DIP2B: variants seen among roughly 807,000 people sequenced by gnomAD.
DIP2B encodes the protein disco-interacting protein 2 homolog B.
A neutral mutation model predicts 198.0 loss-of-function variants in DIP2B; 76 were observed. The observed-to-expected ratio is 0.38, with a 90% CI of 0.32 to 0.46. DIP2B has a LOEUF of 0.46. Among genes scored for constraint, DIP2B ranks in the 20% least tolerant of loss-of-function variants. The pLI, the probability that DIP2B is intolerant of heterozygous loss-of-function variation, is 0.99. For synonymous variants in DIP2B, 701 were observed against 739.1 expected (o/e 0.95, Z 0.84); for missense variants, 1,559 against 1,978.4 (o/e 0.79, Z 4.02).
intron 1 of DIP2B, among the ~76,000 whole-genome samples, chr12:50,538,921 C>T (rs947527390): frequency 3.9e-5 from 6 of 152,136 alleles, no homozygotes; most frequent in African/African-American, 1.4e-4. Context: ...GCTTTCTATG[C>T]TCCTTTTAGG....
At chr12:50,556,054 A>G (rs147487358) in intron 1 of DIP2B, among the ~76,000 whole-genome samples, 371 of 151,734 alleles carry the variant, frequency 2.4e-3, no homozygotes, top group African/African-American at 8.6e-3. Context: ...CTGACTCTTC[A>G]TTGTTTTTTT....
chr12:50,729,021 C>G (rs938613004), intron 30 of DIP2B, among the ~76,000 whole-genome samples: 1 of 152,156 alleles, frequency 6.6e-6, no homozygotes, highest in Non-Finnish European at 1.5e-5. Context: ...CGTACCCCCT[C>G]GGCTTGGCAG....
intron 32 of DIP2B, among the ~76,000 whole-genome samples, chr12:50,733,254 CTTTTTTTT>C (rs10538769): frequency 4.4e-5 from 6 of 137,322 alleles, no homozygotes; most frequent in African/African-American, 8.1e-5. Context: ...TTTTTTCTTT[CTTTTTTTT>C]TTTTTTTTTC....
At chr12:50,631,266 C>T (rs758487944) in intron 2 of DIP2B, among the ~76,000 whole-genome samples, 13 of 150,878 alleles carry the variant, frequency 8.6e-5, no homozygotes, top group Non-Finnish European at 1.8e-4. Context: ...CTCCCTCTGT[C>T]GCCAGGCTGG....
intron 32 of DIP2B, among the ~76,000 whole-genome samples, chr12:50,733,034 T>C (rs944937976): frequency 4.6e-5 from 7 of 151,630 alleles, no homozygotes; most frequent in African/African-American, 1.7e-4. Context: ...GCCTCCAGAG[T>C]AGCTGGGATT....
chr12:50,694,270 C>T (rs997509162), intron 14 of DIP2B, among the ~76,000 whole-genome samples: 1 of 151,986 alleles, frequency 6.6e-6, no homozygotes, highest in African/African-American at 2.4e-5. Flanking sequence ...CCAAGGCAGG[C>T]GAATTACTTG....
intron 1 of DIP2B, among the ~76,000 whole-genome samples, chr12:50,586,112 CA>C (rs1318768128): frequency 6.6e-6 from 1 of 152,192 alleles, no homozygotes; most frequent in Non-Finnish European, 1.5e-5. Flanking sequence ...TCTGTTAATA[CA>C]AGGGGATCAG....
chr12:50,543,531 C>T (rs894096738), intron 1 of DIP2B, among the ~76,000 whole-genome samples: 23 of 151,860 alleles, frequency 1.5e-4, no homozygotes, highest in Admixed American at 5.9e-4. Flanking sequence ...TCAGGTGATC[C>T]GCCAGCCTCG....
chr12:50,537,465 A>T (rs550296188), intron 1 of DIP2B, among the ~76,000 whole-genome samples: 2 of 152,222 alleles, frequency 1.3e-5, no homozygotes, highest in African/African-American at 4.8e-5. Context: ...ATATATACAA[A>T]CATCTGAGTT....
At chr12:50,566,971 CAAAAAA>C (rs34854416) in intron 1 of DIP2B, among the ~76,000 whole-genome samples, 7 of 78,472 alleles carry the variant, frequency 8.9e-5, no homozygotes, top group African/African-American at 4.2e-4. Flanking sequence ...GACTCCGTCT[CAAAAAA>C]AAAAAAAAAA....
intron 3 of DIP2B, among the ~76,000 whole-genome samples, chr12:50,651,912 G>T (rs1329252552): frequency 1.3e-5 from 2 of 152,126 alleles, no homozygotes; most frequent in Non-Finnish European, 2.9e-5. Context: ...AGGTGCGGTG[G>T]CTCACGCCTG....
At position 50,671,508 on chromosome 12, in the gene DIP2B, G is replaced by T. The variant is rs1359255702; in HGVS notation, c.640+110G>T. 4.8e-6 allele frequency: 5 copies of T among 1,047,160 alleles called. No homozygotes were observed. The East Asian group carries it at 1.2e-4, about 26-fold the overall frequency. 64.9% of individuals were successfully genotyped at this position (1,047,160 alleles called of 1,614,324 possible). ...GTTTTTCAGTATGGCCTAAAAAAAAGAATTAGAGAAAACATGACAGTTAAT... is the reference window on the plus strand; with the variant it reads ...GTTTTTCAGTATGGCCTAAAAAAAATAATTAGAGAAAACATGACAGTTAAT... On this transcript the variant is annotated intron_variant, in intron 5 of 37. Coordinates refer to ENST00000301180, the MANE Select transcript of DIP2B (RefSeq NM_173602.3).
In DIP2B at chr12:50,721,347, T is replaced by C; in HGVS notation, c.3117T>C (p.Asp1039=). 6.2e-7 allele frequency: 1 copy of C among 1,614,198 alleles called. No individual in the cohort carries two copies. Among genetic ancestry groups the C allele is most frequent in the East Asian group, 2.2e-5 (1 of 44,892 alleles). ...RAERIASVLG[D]KGHLNAGDNV... ...AGAGGATTGCATCTGTTCTTGGTGA[T>C]AAGGGACATCTAAATGCAGGAGATA... The change falls in exon 26 of 38, where the codon GAT becomes GAC. Residue 1039 remains aspartate, a synonymous_variant. Transcript: ENST00000301180.
chr12:50,654,120 C>T (rs1166659490), intron 3 of DIP2B, among the ~76,000 whole-genome samples: 3 of 152,086 alleles, frequency 2.0e-5, no homozygotes, highest in South Asian at 2.1e-4. Context: ...ATGATCTACC[C>T]GCCTTGGCCT....
In DIP2B at chr12:50,525,374, A is replaced by G. The variant is rs532716081; in HGVS notation, c.100+20134A>G. 9.9e-4 allele frequency among the ~76,000 whole-genome samples: 149 copies of G among 149,914 alleles called. 1 individual carries two copies. The highest frequency in any genetic ancestry group is 6.2e-4 in the Non-Finnish European group (42 of 67,730). ...CTCCATCTCAAAAAAAAAAAAAAAA[A>G]ATACAGAGAATACCGGTAGAGGGTT... is the stretch of plus-strand genomic sequence containing the variant. On this transcript the variant is annotated intron_variant, in intron 1 of 37. Coordinates refer to ENST00000301180, the MANE Select transcript of DIP2B (RefSeq NM_173602.3).
chr12:50,592,029 C>T (rs1958823819), intron 1 of DIP2B, among the ~76,000 whole-genome samples: 1 of 151,910 alleles, frequency 6.6e-6, no homozygotes, highest in African/African-American at 2.4e-5. Context: ...AGGCATGTGT[C>T]ACCATGCCCA....
intron 1 of DIP2B, among the ~76,000 whole-genome samples, chr12:50,586,792 C>CA (rs1396461469): frequency 6.6e-6 from 1 of 152,188 alleles, no homozygotes; most frequent in African/African-American, 2.4e-5. Flanking sequence ...AGGCTGGTCT[C>CA]AAACTCCTGA....
chr12:50,731,757 C>A (rs1940046855), intron 31 of DIP2B, among the ~76,000 whole-genome samples: 1 of 152,164 alleles, frequency 6.6e-6, no homozygotes, highest in South Asian at 2.1e-4. Flanking sequence ...ACTTTGTGGA[C>A]AAGAAGCGGA....
At chr12:50,535,702 T>TTTA (rs1210818648) in intron 1 of DIP2B, among the ~76,000 whole-genome samples, 4 of 151,724 alleles carry the variant, frequency 2.6e-5, no homozygotes, top group African/African-American at 9.7e-5. Flanking sequence ...TAAATTTTAT[T>TTTA]TTATTATTAT....
Sources: allele counts gnomAD v4.1 joint callset (sites outside exome capture counted in the v4.1 genomes callset), GRCh38; gene constraint gnomAD v4.1.1; transcripts MANE v1.5; gene names NCBI Gene and HGNC (gene_info 2026-07-23, HGNC 2026-07-21).